SCRN1: variants seen among roughly 807,000 people sequenced by gnomAD.
The protein encoded by SCRN1 is secernin-1.
A neutral mutation model predicts 43.3 loss-of-function variants in SCRN1; 19 were observed. The observed-to-expected ratio is 0.44, with a 90% CI of 0.31 to 0.64. The LOEUF is 0.64. Ranked by LOEUF, SCRN1 falls within the 30% of genes least tolerant of loss-of-function variation. The pLI is 0.09. For missense variants in SCRN1, 447 were observed against 524.1 expected (o/e 0.85, Z 1.44); for synonymous variants, 183 against 188.9 (o/e 0.97, Z 0.26).
intron 6 of SCRN1, among the ~76,000 whole-genome samples, chr7:29,929,351 G>A (rs1016794997): frequency 6.6e-6 from 1 of 152,180 alleles, no homozygotes; most frequent in Non-Finnish European, 1.5e-5. Flanking sequence ...CTGCGACCAC[G>A]CCCTCCTGCG....
At chr7:29,932,490 T>C (rs1027918439) in intron 6 of SCRN1, among the ~76,000 whole-genome samples, 1 of 151,258 alleles carries the variant, frequency 6.6e-6, no homozygotes, top group Admixed American at 6.6e-5. Flanking sequence ...CCGTCTCTAC[T>C]AAAAATAAAA....
At chr7:29,985,486 G>C (rs2127934496) in intron 1 of SCRN1, among the ~76,000 whole-genome samples, 1 of 152,128 alleles carries the variant, frequency 6.6e-6, no homozygotes, top group East Asian at 1.9e-4. Flanking sequence ...CCTAATTAGA[G>C]GTGGGACCAG....
upstream of SCRN1, chr7:29,989,824 C>T (rs943311328): frequency 4.1e-6 from 4 of 986,612 alleles, no homozygotes; most frequent in African/African-American, 7.0e-5. Context: ...CCCGCCGCCC[C>T]CCGCAGCAGC....
At chr7:29,933,490 A>C (rs984482833) in intron 6 of SCRN1, among the ~76,000 whole-genome samples, 19 of 152,204 alleles carry the variant, frequency 1.2e-4, no homozygotes, top group African/African-American at 3.9e-4. Flanking sequence ...CACATCAATG[A>C]AGCTTTAACA....
At chr7:29,933,095 G>A (rs1246676934) in intron 6 of SCRN1, among the ~76,000 whole-genome samples, 2 of 151,984 alleles carry the variant, frequency 1.3e-5, no homozygotes, top group African/African-American at 4.8e-5. Flanking sequence ...GGCCAGGCTG[G>A]TCTGGAACTC....
chr7:29,955,087 T>C (rs915888980), intron 3 of SCRN1, 92 bp downstream of exon 3: 1 of 1,058,988 alleles, frequency 9.4e-7, no homozygotes, highest in Admixed American at 2.2e-5. Flanking sequence ...GGAAGGATTA[T>C]GTTAAAAAAT....
chr7:29,932,312 G>C (rs1178923337), intron 6 of SCRN1, among the ~76,000 whole-genome samples: 3 of 152,152 alleles, frequency 2.0e-5, no homozygotes, highest in Non-Finnish European at 4.4e-5. Context: ...GTTTGCTCCA[G>C]TAACAAAAAG....
At chr7:29,958,192 T>C (rs1788199626) in intron 2 of SCRN1, among the ~76,000 whole-genome samples, 1 of 152,196 alleles carries the variant, frequency 6.6e-6, no homozygotes, top group East Asian at 1.9e-4. Flanking sequence ...ACGGGCCTCA[T>C]AAGGGCTCTT....
At chr7:29,936,789 G>A (rs1787349004) in intron 5 of SCRN1, 68 bp from the exon 6 acceptor site, 12 of 1,316,692 alleles carry the variant, frequency 9.1e-6, no homozygotes, top group Non-Finnish European at 1.2e-5. Context: ...GCTCACGCCT[G>A]TAATCCCAGC....
intron 6 of SCRN1, among the ~76,000 whole-genome samples, chr7:29,932,073 C>A (rs1787172811): frequency 6.6e-6 from 1 of 152,122 alleles, no homozygotes; most frequent in Admixed American, 6.6e-5. Flanking sequence ...GGAAAGAGAG[C>A]CAGTACTTTT....
chr7:29,933,213 C>T (rs1787218968), intron 6 of SCRN1, among the ~76,000 whole-genome samples: 1 of 152,132 alleles, frequency 6.6e-6, no homozygotes, highest in Admixed American at 6.6e-5. Flanking sequence ...TATTTTCCTG[C>T]ATGTGGGGAC....
chr7:29,950,773 G>A lies in SCRN1; in HGVS notation c.341+4406C>T, dbSNP rs1174988580. Among the ~76,000 whole-genome samples the A allele has an allele frequency of 6.6e-6, 1 of 152,196 alleles. No individual in the cohort carries two copies. The highest frequency in any genetic ancestry group is 1.5e-5 in the Non-Finnish European group (1 of 68,032). On this transcript the variant is annotated intron_variant, in intron 3 of 7. Coordinates refer to ENST00000242059, the MANE Select transcript of SCRN1 (RefSeq NM_014766.5). This position sits in a 1 kb window ranked among gnomAD's most constrained non-coding sequence, Gnocchi z 4.5. ...CAGCAGAAGGGAGCTACCCACTACAGGTCTCCTCTCTGCTGAGAGCTGGAT... is the reference window on the plus strand; with the variant it reads ...CAGCAGAAGGGAGCTACCCACTACAAGTCTCCTCTCTGCTGAGAGCTGGAT...
intron 2 of SCRN1, among the ~76,000 whole-genome samples, chr7:29,957,799 T>C (rs1788182126): frequency 6.6e-6 from 1 of 152,114 alleles, no homozygotes; most frequent in African/African-American, 2.4e-5. Flanking sequence ...CAGACAGAGC[T>C]AAGGGCTTAA....
intron 2 of SCRN1, among the ~76,000 whole-genome samples, chr7:29,963,013 G>C (rs567846772): frequency 5.9e-5 from 9 of 151,296 alleles, no homozygotes; most frequent in African/African-American, 2.2e-4. Flanking sequence ...CTGAGACCCG[G>C]AGTCACAGCA....
At position 29,921,262 on chromosome 7, in the gene SCRN1, G is replaced by T. The variant is rs577935898; in HGVS notation, c.*2695C>A. On this transcript the variant is annotated 3_prime_UTR_variant, in exon 8 of 8. Transcript: ENST00000242059. The stretch of plus-strand genomic sequence containing the variant: ...ACTATGACCCTTAAACATAATTTTT[G>T]TATTTCATCTTGAATATTCATGTTC... 3 of 152,668 alleles carry T rather than the reference G, an allele frequency of 2.0e-5. No homozygotes were observed. The highest frequency in any genetic ancestry group is 7.2e-5 in the African/African-American group (3 of 41,544). 9.5% of individuals were successfully genotyped at this position (152,668 alleles called of 1,614,324 possible).
At chr7:29,956,586 T>C (rs143621731) in intron 2 of SCRN1, among the ~76,000 whole-genome samples, 1 of 152,236 alleles carries the variant, frequency 6.6e-6, no homozygotes, top group Non-Finnish European at 1.5e-5. Flanking sequence ...TGATTTCCCA[T>C]AATCGCTAAA....
At chr7:29,944,901 G>C (rs1473332517) in intron 3 of SCRN1, among the ~76,000 whole-genome samples, 1 of 151,884 alleles carries the variant, frequency 6.6e-6, no homozygotes, top group East Asian at 1.9e-4. Context: ...TCTAACCTGG[G>C]CAAAAGGAAA....
At chr7:29,926,655 T>G (rs758404535) in intron 6 of SCRN1, 23 bp from the exon 7 acceptor site, 2 of 1,596,348 alleles carry the variant, frequency 1.3e-6, no homozygotes, top group Non-Finnish European at 1.7e-6. Context: ...GAGAGGCACT[T>G]CAGCCAGGCA....
intron 4 of SCRN1, among the ~76,000 whole-genome samples, chr7:29,941,522 A>G (rs1787553727): frequency 6.6e-6 from 1 of 152,186 alleles, no homozygotes; most frequent in Non-Finnish European, 1.5e-5. Context: ...ATGAATATAC[A>G]TATGTCTGGG....
Sources: gnomAD v4.1 joint callset for allele counts (sites outside exome capture counted in the v4.1 genomes callset) on GRCh38, gnomAD v4.1.1 for gene constraint, Gnocchi (gnomAD v3.1) non-coding constraint, MANE v1.5 for transcripts, NCBI Gene and HGNC (gene_info 2026-07-23, HGNC 2026-07-21) for gene names.